The following ITGA9 variants were observed in gnomAD, a reference collection of about 807,000 sequenced individuals.
ITGA9 encodes the protein integrin subunit alpha 9, also known as integrin alpha-9.
Under a neutral mutation model 127.8 loss-of-function variants are expected in ITGA9, and 56 were observed. The ratio of observed to expected loss-of-function variants is 0.44; its 90% CI spans 0.35 to 0.55. The LOEUF is 0.55. Among genes scored for constraint, ITGA9 ranks in the 20% least tolerant of loss-of-function variants. The pLI, the probability that ITGA9 is intolerant of heterozygous loss-of-function variation, is 0.00. For missense variants in ITGA9, 1,196 were observed against 1,347.1 expected, an observed-to-expected ratio of 0.89 and a Z score of 1.76; for synonymous variants, 508 against 514.5, an observed-to-expected ratio of 0.99 and a Z score of 0.17.
intron 17 of ITGA9, among the ~76,000 whole-genome samples, chr3:37,665,057 T>G (rs1402484332): frequency 1.3e-5 from 2 of 148,636 alleles, no homozygotes; most frequent in Admixed American, 6.7e-5. Context: ...GCTGCAACCT[T>G]CTCCGCCTGG....
intron 8 of ITGA9, among the ~76,000 whole-genome samples, chr3:37,509,671 CA>C (rs1698881820): frequency 6.6e-6 from 1 of 152,136 alleles, no homozygotes; most frequent in South Asian, 2.1e-4. Flanking sequence ...AATGCATCAC[CA>C]AACTTGGTTT....
intron 16 of ITGA9, among the ~76,000 whole-genome samples, chr3:37,635,834 T>C (rs1040830451): frequency 1.4e-5 from 2 of 139,190 alleles, no homozygotes; most frequent in African/African-American, 2.7e-5. Flanking sequence ...CCTGTGTCCA[T>C]GTGTTCTCAT....
chr3:37,780,515 C>T (rs1187394078), intron 25 of ITGA9, among the ~76,000 whole-genome samples: 1 of 92,012 alleles, frequency 1.1e-5, no homozygotes, highest in Non-Finnish European at 2.1e-5. Context: ...GAGTAATATT[C>T]CATGGTGTGT....
chr3:37,453,253 G>A (rs1579033843), intron 1 of ITGA9, among the ~76,000 whole-genome samples: 1 of 152,184 alleles, frequency 6.6e-6, no homozygotes, highest in South Asian at 2.1e-4. Context: ...TCTTGGGAGA[G>A]CCTGAGTCTC....
chr3:37,466,178 G>C (rs1475680931), intron 1 of ITGA9, among the ~76,000 whole-genome samples: 1 of 152,036 alleles, frequency 6.6e-6, no homozygotes, highest in Non-Finnish European at 1.5e-5. Context: ...CTGCATTGAT[G>C]AGAGGACCTA....
intron 23 of ITGA9, among the ~76,000 whole-genome samples, chr3:37,764,728 A>G (rs1239327596): frequency 6.6e-6 from 1 of 152,136 alleles, no homozygotes; most frequent in Non-Finnish European, 1.5e-5. Context: ...GACCCAGTTC[A>G]TATGTCCTCT....
chr3:37,737,877 CCT>C (rs1308688409), intron 20 of ITGA9, among the ~76,000 whole-genome samples: 1 of 152,182 alleles, frequency 6.6e-6, no homozygotes, highest in East Asian at 1.9e-4. Context: ...ATTTTATCAT[CCT>C]CTTTCTATAT....
intron 17 of ITGA9, among the ~76,000 whole-genome samples, chr3:37,656,937 A>T (rs1700484101): frequency 6.6e-6 from 1 of 151,934 alleles, no homozygotes; most frequent in Non-Finnish European, 1.5e-5. Context: ...TTCTGCATCT[A>T]TTGAGATAAT....
At chr3:37,651,540 G>C (rs1700429678) in intron 16 of ITGA9, among the ~76,000 whole-genome samples, 1 of 152,222 alleles carries the variant, frequency 6.6e-6, no homozygotes, top group African/African-American at 2.4e-5. Flanking sequence ...AGGCAAGCAA[G>C]ACCAGTACAG....
At chr3:37,616,860 C>T (rs1700079894) in intron 15 of ITGA9, among the ~76,000 whole-genome samples, 1 of 152,186 alleles carries the variant, frequency 6.6e-6, no homozygotes, top group African/African-American at 2.4e-5. Flanking sequence ...ATGTGTGTCT[C>T]TGCACGTGAG....
At chr3:37,672,804 C>G (rs546287070) in intron 17 of ITGA9, among the ~76,000 whole-genome samples, 1 of 151,672 alleles carries the variant, frequency 6.6e-6, no homozygotes, top group African/African-American at 2.4e-5. Context: ...TTTTATTATT[C>G]TAGAATAGAT....
intron 17 of ITGA9, among the ~76,000 whole-genome samples, chr3:37,673,942 G>A (rs539031279): frequency 6.6e-6 from 1 of 152,274 alleles, no homozygotes; most frequent in Admixed American, 6.5e-5. Context: ...TGAAATGAGT[G>A]TATTTTTCTA....
intron 1 of ITGA9, among the ~76,000 whole-genome samples, chr3:37,463,677 A>T (rs1056004149): frequency 6.6e-6 from 1 of 152,180 alleles, no homozygotes; most frequent in African/African-American, 2.4e-5. Context: ...TCATCTCTTG[A>T]CAAGAGAAGC....
chr3:37,477,263 A>G (rs1279175592), intron 3 of ITGA9, among the ~76,000 whole-genome samples: 1 of 152,240 alleles, frequency 6.6e-6, no homozygotes. Flanking sequence ...AAGGAGCACA[A>G]TATTGGATTC....
At chr3:37,558,371 G>T (rs573681272) in intron 15 of ITGA9, among the ~76,000 whole-genome samples, 1 of 152,086 alleles carries the variant, frequency 6.6e-6, no homozygotes, top group African/African-American at 2.4e-5. Context: ...AAAAAGACTG[G>T]GCCCTGTCCT....
At chr3:37,772,971 G>A (rs1407043624) in intron 23 of ITGA9, among the ~76,000 whole-genome samples, 1 of 152,238 alleles carries the variant, frequency 6.6e-6, no homozygotes, top group Non-Finnish European at 1.5e-5. Context: ...TAACTTCTGA[G>A]CTGTGACTCT....
chr3:37,595,344 G>A (rs1699859374), intron 15 of ITGA9, among the ~76,000 whole-genome samples: 1 of 152,144 alleles, frequency 6.6e-6, no homozygotes, highest in African/African-American at 2.4e-5. Context: ...GGAAGAAAAG[G>A]CCACACAAGG....
At chr3:37,499,272 G>A (rs1165791702) in intron 5 of ITGA9, among the ~76,000 whole-genome samples, 1 of 152,258 alleles carries the variant, frequency 6.6e-6, no homozygotes, top group Non-Finnish European at 1.5e-5. Flanking sequence ...AGGCACTTGG[G>A]TGGGAGTTTG....
intron 15 of ITGA9, among the ~76,000 whole-genome samples, chr3:37,612,853 A>G (rs902262072): frequency 5.3e-5 from 8 of 152,182 alleles, no homozygotes; most frequent in African/African-American, 1.9e-4. Flanking sequence ...CACATCAGAC[A>G]AAGATATTTT....
Sources: allele counts gnomAD v4.1 joint callset (sites outside exome capture counted in the v4.1 genomes callset), GRCh38; gene constraint gnomAD v4.1.1; transcripts MANE v1.5; gene names NCBI Gene and HGNC (gene_info 2026-07-23, HGNC 2026-07-21).